MARK2: variants seen among roughly 807,000 people sequenced by gnomAD.
MARK2 encodes the protein microtubule affinity regulating kinase 2.
Under a neutral mutation model 89.8 loss-of-function variants are expected in MARK2, and 16 were observed. The ratio of observed to expected loss-of-function variants is 0.18; its 90% CI spans 0.12 to 0.27. The LOEUF (loss-of-function observed/expected upper bound fraction) is 0.27, where lower values mean the gene tolerates loss of function less well. MARK2 is among the 10% of genes least tolerant of loss of function. The pLI, the probability that MARK2 is intolerant of heterozygous loss-of-function variation, is 1.00. For missense variants in MARK2, 621 were observed against 1,049.9 expected, an observed-to-expected ratio of 0.59 and a Z score of 5.65; for synonymous variants, 382 against 399.5, an observed-to-expected ratio of 0.96 and a Z score of 0.52.
Position 63,902,695 on chromosome 11 carries a change from A to G in MARK2, c.1329A>G (p.Ser443=). The part of the protein sequence containing the change: ...ENKRPEEDRE[S]GRKASSTAKV... ...AGCGGCCTGAGGAGGACCGGGAGTCAGGGCGGAAAGCCAGCAGCACAGCCA... is the reference window on the plus strand; with the variant it reads ...AGCGGCCTGAGGAGGACCGGGAGTCGGGGCGGAAAGCCAGCAGCACAGCCA... The change falls in exon 13 of 19, where the codon TCA becomes TCG. Residue 443 remains serine, a synonymous_variant. Transcript: ENST00000402010. This position sits in a 1 kb window ranked among gnomAD's most constrained non-coding sequence, Gnocchi z 4.2. 1 of 1,614,188 alleles carries G rather than the reference A, an allele frequency of 6.2e-7. No individual in the cohort carries two copies. The highest frequency in any genetic ancestry group is 1.1e-5 in the South Asian group (1 of 91,084).
At position 63,903,510 on chromosome 11, in the gene MARK2, C is replaced by T. The variant is rs1565145763; in HGVS notation, c.1514+352C>T. ...CAGCTCAGGGCAGAACCAAGAGATG[C>T]CCACCTTGAGGGGTGTACACATAGA... On this transcript the variant is annotated intron_variant, in intron 14 of 18. Coordinates refer to ENST00000402010, the MANE Select transcript of MARK2 (RefSeq NM_001039469.3). This position sits in a 1 kb window ranked among gnomAD's most constrained non-coding sequence, Gnocchi z 5.1. 1 of 354,716 alleles carries T rather than the reference C, an allele frequency of 2.8e-6. No individual in the cohort carries two copies. 22.0% of individuals were successfully genotyped at this position (354,716 alleles called of 1,614,324 possible). A position where few individuals can be genotyped will look rare whatever the true frequency, so the allele number is the denominator to read the frequency against.
At chr11:63,906,242 C>T (rs926163316) in intron 17 of MARK2, 128 bp downstream of exon 17, 4 of 1,160,528 alleles carry the variant, frequency 3.4e-6, no homozygotes, top group Non-Finnish European at 4.4e-6. Flanking sequence ...CTGTGTGGCC[C>T]TCCTCTCTCT....
At chr11:63,851,426 T>A (rs1039371846) in intron 1 of MARK2, among the ~76,000 whole-genome samples, 1 of 152,128 alleles carries the variant, frequency 6.6e-6, no homozygotes, top group Non-Finnish European at 1.5e-5. Context: ...CTCTAAAAAA[T>A]TTTTTTAAAA....
chr11:63,839,380 C>A lies in MARK2; in HGVS notation c.-127C>A. 1.7e-6 allele frequency: 1 copy of A among 587,396 alleles called. No individual in the cohort carries two copies. The highest frequency in any genetic ancestry group is 2.9e-6 in the Non-Finnish European group (1 of 339,726). The allele number at this position is 587,396 out of a possible 1,614,324, so 36.4% of individuals were successfully genotyped here. On this transcript the variant is annotated 5_prime_UTR_variant, in exon 1 of 19. Transcript: ENST00000402010. ...CGTGAGCGGCTGCCCGGCCTCCCCG[C>A]ACCCCCGGCCGGGGCCCATGCGGCG...
Position 63,839,355 on chromosome 11 carries a change from C to G in MARK2, c.-152C>G. 1 of 548,388 alleles carries G rather than the reference C, an allele frequency of 1.8e-6. No homozygotes were observed. Among genetic ancestry groups the G allele is most frequent in the East Asian group, 3.5e-5 (1 of 28,892 alleles). 34.0% of individuals were successfully genotyped at this position (548,388 alleles called of 1,614,324 possible). On this transcript the variant is annotated 5_prime_UTR_variant, in exon 1 of 19. Coordinates refer to ENST00000402010, the MANE Select transcript of MARK2 (RefSeq NM_001039469.3). ...CCCGAGCGGCGCATCCCCGGGCTGG[C>G]GTGAGCGGCTGCCCGGCCTCCCCGC... is the stretch of plus-strand genomic sequence containing the variant.
Position 63,900,913 on chromosome 11 carries a change from C to T in MARK2, c.988+34C>T. On this transcript the variant is annotated intron_variant, in intron 10 of 18. Coordinates refer to ENST00000402010, the MANE Select transcript of MARK2 (RefSeq NM_001039469.3). This position sits in a 1 kb window ranked among gnomAD's most constrained non-coding sequence, Gnocchi z 4.7. ...GTGCCGGGCTGTGAGGTTAAGCTTG[C>T]CTAGGAGTTGAGGCCAGTCTTAACT... is the stretch of plus-strand genomic sequence containing the variant. 1 of 1,611,822 alleles carries T rather than the reference C, an allele frequency of 6.2e-7. No homozygotes were observed. Among genetic ancestry groups the T allele is most frequent in the Non-Finnish European group, 8.5e-7 (1 of 1,177,872 alleles).
Position 63,902,804 on chromosome 11 carries a change from C to CTCCT in MARK2, c.1416+31_1416+34dup. On this transcript the variant is annotated intron_variant, in intron 13 of 18. Coordinates refer to ENST00000402010, the MANE Select transcript of MARK2 (RefSeq NM_001039469.3). The surrounding 1 kb of genome is among the most constrained non-coding windows in gnomAD (Gnocchi z 4.2). ...CACGGTGAGCCGCACCCCCCGCTCT[C>CTCCT]TCCTTCCTTCCTGCGGTGGGGCCTG... 1 of 1,591,994 alleles carries CTCCT rather than the reference C, an allele frequency of 6.3e-7. No homozygotes were observed. The highest frequency in any genetic ancestry group is 8.6e-7 in the Non-Finnish European group (1 of 1,162,810).
At chr11:63,852,489 T>C (rs1450879749) in intron 1 of MARK2, among the ~76,000 whole-genome samples, 1 of 151,994 alleles carries the variant, frequency 6.6e-6, no homozygotes. Flanking sequence ...TATTCTAAAA[T>C]AGAAAAAAAT....
chr11:63,895,435 A>T, intron 2 of MARK2, 97 bp downstream of exon 2: 1 of 1,468,716 alleles, frequency 6.8e-7, no homozygotes, highest in Non-Finnish European at 9.5e-7. Flanking sequence ...CCTCTTGTTT[A>T]TCCGGCAGAA....
intron 7 of MARK2, among the ~76,000 whole-genome samples, chr11:63,899,516 CA>C (rs1940693312): frequency 6.6e-6 from 1 of 152,192 alleles, no homozygotes; most frequent in Admixed American, 6.5e-5. Flanking sequence ...ACACACATAC[CA>C]TCTCCATCAC....
rs537763284 is a variant in MARK2 at position 63,868,428 on chromosome 11, GTCTA to G, written c.55-26727_55-26724del. The G allele has an allele frequency of 2.3e-4, 45 of 193,384 alleles. 1 individual carries two copies. In the East Asian group the frequency reaches 4.9e-3, roughly 21 times the overall value. 12.0% of individuals were successfully genotyped at this position (193,384 alleles called of 1,614,324 possible). On this transcript the variant is annotated intron_variant, in intron 1 of 18. Coordinates refer to ENST00000402010, the MANE Select transcript of MARK2 (RefSeq NM_001039469.3). ...ATATTGATTTGTAAGTCTGATATCA[GTCTA>G]TCTGATTCTTTGGCTGTGTAAGTCA...
chr11:63,892,058 C>T (rs1338909840), intron 1 of MARK2, among the ~76,000 whole-genome samples: 2 of 152,142 alleles, frequency 1.3e-5, no homozygotes, highest in Non-Finnish European at 2.9e-5. Flanking sequence ...CTACAGGGTG[C>T]GTGGAGAACA....
intron 1 of MARK2, among the ~76,000 whole-genome samples, chr11:63,886,545 C>G (rs925184297): frequency 2.6e-5 from 4 of 152,144 alleles, no homozygotes; most frequent in Non-Finnish European, 1.5e-5. Context: ...ATGCCTCAGC[C>G]TCCGAGTAGC....
intron 3 of MARK2, 88 bp downstream of exon 3, chr11:63,895,721 G>A (rs1940336641): frequency 6.9e-6 from 8 of 1,167,368 alleles, no homozygotes; most frequent in Non-Finnish European, 8.8e-6. Context: ...CCAGGCTGGA[G>A]TGCAATGGTG....
chr11:63,855,535 A>C (rs2016797082), intron 1 of MARK2, among the ~76,000 whole-genome samples: 1 of 152,092 alleles, frequency 6.6e-6, no homozygotes, highest in Non-Finnish European at 1.5e-5. Flanking sequence ...AACAAAAAAA[A>C]AAAAAAACAG....
At chr11:63,894,867 C>T (rs1291660871) in intron 1 of MARK2, among the ~76,000 whole-genome samples, 4 of 152,122 alleles carry the variant, frequency 2.6e-5, no homozygotes, top group African/African-American at 2.4e-5. Flanking sequence ...CTGAACCAGA[C>T]GAGCTGTTGT....
chr11:63,879,413 T>G (rs1324217791), intron 1 of MARK2, among the ~76,000 whole-genome samples: 1 of 152,146 alleles, frequency 6.6e-6, no homozygotes, highest in Non-Finnish European at 1.5e-5. Flanking sequence ...CACCCTCCTC[T>G]TCCCACCCAG....
rs944649879 is a variant in MARK2 at position 63,903,409 on chromosome 11, G to A, written c.1514+251G>A. The A allele has an allele frequency of 5.9e-6, 3 of 510,500 alleles. No individual in the cohort carries two copies. The highest frequency in any genetic ancestry group is 3.6e-5 in the East Asian group (1 of 28,042). The allele number at this position is 510,500 out of a possible 1,614,324, so 31.6% of individuals were successfully genotyped here. A position where few individuals can be genotyped will look rare whatever the true frequency, so the allele number is the denominator to read the frequency against. Reference sequence around the variant, plus strand: ...CCGTGGCCATCTCAGCTACATGCTCGCTTCTTGACCACGGCCAGGGCATGG... The same window carrying A: ...CCGTGGCCATCTCAGCTACATGCTCACTTCTTGACCACGGCCAGGGCATGG... On this transcript the variant is annotated intron_variant, in intron 14 of 18. Transcript: ENST00000402010. The surrounding 1 kb of genome is among the most constrained non-coding windows in gnomAD (Gnocchi z 5.1).
intron 17 of MARK2, among the ~76,000 whole-genome samples, chr11:63,906,715 C>T (rs1015137700): frequency 5.3e-5 from 8 of 151,894 alleles, no homozygotes; most frequent in African/African-American, 1.9e-4. Context: ...CCCTGGGGCC[C>T]CAAGGTTTCA....
Sources: gnomAD v4.1 joint callset for allele counts (sites outside exome capture counted in the v4.1 genomes callset) on GRCh38, gnomAD v4.1.1 for gene constraint, Gnocchi (gnomAD v3.1) non-coding constraint, MANE v1.5 for transcripts, NCBI Gene and HGNC (gene_info 2026-07-23, HGNC 2026-07-21) for gene names.